Variants in HES3 observed in about 807,000 individuals in gnomAD.
HES3 encodes the protein hes family bHLH transcription factor 3.
In HES3, 6 loss-of-function variants were observed where a neutral mutation model predicts 8.0. The observed-to-expected ratio is 0.75, with a 90% confidence interval of 0.41 to 1.49. HES3 has a LOEUF of 1.49. HES3 is among the 40% of genes most tolerant of loss of function. HES3 has a pLI of 0.01. For synonymous variants in HES3, 121 were observed against 119.4 expected (o/e 1.01, Z -0.09); for missense variants, 266 against 260.9 (o/e 1.02, Z -0.13).
chr1:6,244,282 G>C, intron 1 of HES3, 41 bp downstream of exon 1: 2 of 1,289,146 alleles, frequency 1.6e-6, no homozygotes, highest in Admixed American at 3.4e-5. Flanking sequence ...ACCCTTCCCC[G>C]GGAGGTGTGG....
In HES3 at chr1:6,245,114, C is replaced by T. The variant is rs1418906700; in HGVS notation, c.168C>T (p.Leu56=). 2 of 1,521,072 alleles carry T rather than the reference C, an allele frequency of 1.3e-6. No individual in the cohort carries two copies. Among genetic ancestry groups the T allele is most frequent in the Non-Finnish European group, 1.8e-6 (2 of 1,141,146 alleles). The allele number at this position is 1,521,072 out of a possible 1,614,324, so 94.2% of individuals were successfully genotyped here. A position where few individuals can be genotyped will look rare whatever the true frequency, so the allele number is the denominator to read the frequency against. Reference sequence around the variant, plus strand: ...CGCGTCCGCTCTTCCCCACAGGGCTCTGGCCTGTGCCCAGGGGAGCCGAGC... The same window carrying T: ...CGCGTCCGCTCTTCCCCACAGGGCTTTGGCCTGTGCCCAGGGGAGCCGAGC... ...MRSLQNSLQG[L]WPVPRGAEQP... The change falls in exon 4 of 4, where the codon CTC becomes CTT. Residue 56 remains leucine, a synonymous_variant. Transcript: ENST00000377898.
chr1:6,244,330 C>G (rs1327484429), intron 1 of HES3, 21 bp from the exon 2 acceptor site: 2 of 1,606,498 alleles, frequency 1.2e-6, no homozygotes, highest in African/African-American at 1.3e-5. Context: ...GTCCTGCACT[C>G]TAAAGGCTGT....
At position 6,245,159 on chromosome 1, in the gene HES3, C is replaced by T. The variant is rs750211535; in HGVS notation, c.213C>T (p.Ser71=). ...RGAEQPSGFR[S]CLPGVSQLLR... ...CCGAGCAACCGTCGGGCTTCCGCAG[C>T]TGCCTGCCCGGCGTGAGCCAGCTCC... Residue 71 remains serine, a synonymous_variant, in exon 4 of 4, where the codon AGC becomes AGT. Transcript: ENST00000377898. 1.3e-5 allele frequency: 20 copies of T among 1,529,214 alleles called. 1 individual carries two copies. The allele number at this position is 1,529,214 out of a possible 1,614,324, so 94.7% of individuals were successfully genotyped here.
chr1:6,245,299 G>A lies in HES3; in HGVS notation c.353G>A (p.Arg118His), dbSNP rs1364181112. 20 of 1,501,492 alleles carry A rather than the reference G, an allele frequency of 1.3e-5. No homozygotes were observed. Among genetic ancestry groups the A allele is most frequent in the Non-Finnish European group, 1.7e-5 (19 of 1,134,026 alleles). The allele number at this position is 1,501,492 out of a possible 1,614,324, so 93.0% of individuals were successfully genotyped here. A position where few individuals can be genotyped will look rare whatever the true frequency, so the allele number is the denominator to read the frequency against. Residue 118 changes from arginine to histidine, a missense_variant, in exon 4 of 4, where the codon CGC (arginine) becomes CAC (histidine). Coordinates refer to ENST00000377898, the MANE Select transcript of HES3 (RefSeq NM_001024598.4). ...GGCCAGGAGGCGCCCGCGCTGTTCC[G>A]CCCTTGCACCCCTGCCGTCTGGGCT... The part of the protein sequence containing the change: ...GLGQEAPALF[R>H]PCTPAVWAPA...
chr1:6,244,622 C>A lies in HES3; in HGVS notation c.156C>A (p.Ser52=), dbSNP rs745823877. ...AGTACATGAGAAGCCTTCAGAACTCCTTGCAAGGTATAGGGGAGGGCTGGA... is the reference window on the plus strand; with the variant it reads ...AGTACATGAGAAGCCTTCAGAACTCATTGCAAGGTATAGGGGAGGGCTGGA... ...SVKYMRSLQN[S]LQGLWPVPRG... Residue 52 remains serine (S), a synonymous_variant, in exon 3 of 4, where the codon TCC becomes TCA. Coordinates refer to ENST00000377898, the MANE Select transcript of HES3 (RefSeq NM_001024598.4). 2 of 1,613,184 alleles carry A rather than the reference C, an allele frequency of 1.2e-6. No individual in the cohort carries two copies. Among genetic ancestry groups the A allele is most frequent in the African/African-American group, 2.7e-5 (2 of 74,850 alleles).
At position 6,245,234 on chromosome 1, in the gene HES3, C is replaced by T. The variant is rs761597508; in HGVS notation, c.288C>T (p.Pro96=). 2 of 1,518,444 alleles carry T rather than the reference C, an allele frequency of 1.3e-6. No homozygotes were observed. Among genetic ancestry groups the T allele is most frequent in the East Asian group, 2.5e-5 (1 of 39,216 alleles). The allele number at this position is 1,518,444 out of a possible 1,614,324, so 94.1% of individuals were successfully genotyped here. ...VGSGLRCPLV[P]ESAAGSTMDS... ...GCGGCCTGCGCTGCCCCCTGGTGCC[C>T]GAGAGCGCCGCCGGCAGCACCATGG... Residue 96 remains proline, a synonymous_variant, in exon 4 of 4, where the codon CCC becomes CCT. Transcript: ENST00000377898.
intron 1 of HES3, 33 bp downstream of exon 1, chr1:6,244,274 C>T (rs1638254352): frequency 1.6e-6 from 2 of 1,226,882 alleles, no homozygotes; most frequent in African/African-American, 3.0e-5. Flanking sequence ...GGGCAGGCAC[C>T]CTTCCCCGGG....
Position 6,244,199 on chromosome 1 carries a change from G to T in HES3, c.-58G>T, listed in dbSNP as rs557635916. 2 of 639,832 alleles carry T rather than the reference G, an allele frequency of 3.1e-6. No individual in the cohort carries two copies. Among genetic ancestry groups the T allele is most frequent in the Admixed American group, 2.7e-5 (1 of 37,048 alleles). The allele number at this position is 639,832 out of a possible 1,614,324, so 39.6% of individuals were successfully genotyped here. On this transcript the variant is annotated 5_prime_UTR_variant, in exon 1 of 4. Transcript: ENST00000377898. ...GGTGCATGGACTGCAACATGGGCAC[G>T]GAGCCTGCTGCCCGGGGCAGCCTCC...
intron 3 of HES3, 41 bp downstream of exon 3, chr1:6,244,670 G>A (rs1223337165): frequency 6.4e-7 from 1 of 1,561,780 alleles, no homozygotes; most frequent in Non-Finnish European, 8.8e-7. Flanking sequence ...AGGCTTGTGG[G>A]ATCAGAGCCA....
At chr1:6,244,750 T>G in intron 3 of HES3, 121 bp downstream of exon 3, 2 of 852,436 alleles carry the variant, frequency 2.3e-6, no homozygotes, top group Non-Finnish European at 3.8e-6. Flanking sequence ...GAGACCAGCC[T>G]GGGCAACATG....
Position 6,245,284 on chromosome 1 carries a change from C to A in HES3, c.338C>A (p.Ala113Glu), listed in dbSNP as rs1208301128. Residue 113 changes from alanine to glutamate, a missense_variant, in exon 4 of 4, where the codon GCG becomes GAG. Coordinates refer to ENST00000377898, the MANE Select transcript of HES3 (RefSeq NM_001024598.4). ...GACAGCGCCGGGTTGGGCCAGGAGG[C>A]GCCCGCGCTGTTCCGCCCTTGCACC... The part of the protein sequence containing the change: ...TMDSAGLGQE[A>E]PALFRPCTPA... The A allele has an allele frequency of 2.7e-6, 4 of 1,494,426 alleles. No homozygotes were observed. Among genetic ancestry groups the A allele is most frequent in the African/African-American group, 2.9e-5 (2 of 68,384 alleles). The allele number at this position is 1,494,426 out of a possible 1,614,324, so 92.6% of individuals were successfully genotyped here.
Position 6,244,529 on chromosome 1 carries a change from C to A in HES3, c.82-19C>A, listed in dbSNP as rs1638261500. On this transcript the variant is annotated intron_variant, in intron 2 of 3. Coordinates refer to ENST00000377898, the MANE Select transcript of HES3 (RefSeq NM_001024598.4). ...CACCTCGGGAGGCCGGTCTAATAGACCTTTCCATGGTCGGGTAGATCCGGA... is the reference window on the plus strand; with the variant it reads ...CACCTCGGGAGGCCGGTCTAATAGAACTTTCCATGGTCGGGTAGATCCGGA... 1.2e-6 allele frequency: 2 copies of A among 1,613,954 alleles called. No homozygotes were observed. The highest frequency in any genetic ancestry group is 1.7e-4 in the Middle Eastern group (1 of 6,058).
At position 6,244,275 on chromosome 1, in the gene HES3, C is replaced by A. The variant is rs1340407691; in HGVS notation, c.-16+34C>A. The A allele has an allele frequency of 2.4e-6, 3 of 1,241,746 alleles. No homozygotes were observed. In the African/African-American group the frequency reaches 4.4e-5, roughly 18 times the overall value. The allele number at this position is 1,241,746 out of a possible 1,614,324, so 76.9% of individuals were successfully genotyped here. ...TCTTGAGGGACTAGGGGCAGGCACC[C>A]TTCCCCGGGAGGTGTGGGGGGGTGC... On this transcript the variant is annotated intron_variant, in intron 1 of 3. Transcript: ENST00000377898.
intron 3 of HES3, 58 bp downstream of exon 3, chr1:6,244,687 C>A (rs927903086): frequency 6.1e-6 from 9 of 1,467,960 alleles, no homozygotes; most frequent in Non-Finnish European, 8.5e-6. Flanking sequence ...GCCAGGGATG[C>A]ACAAGGCCAA....
In HES3 at chr1:6,245,210, C is replaced by T. The variant is rs1196151286; in HGVS notation, c.264C>T (p.Ser88=). The part of the protein sequence containing the change: ...QLLRRGDEVG[S]GLRCPLVPES... ...TTCGGCGCGGAGATGAGGTCGGCAG[C>T]GGCCTGCGCTGCCCCCTGGTGCCCG... The change falls in exon 4 of 4, where the codon AGC becomes AGT. Residue 88 remains serine, a synonymous_variant. Coordinates refer to ENST00000377898, the MANE Select transcript of HES3 (RefSeq NM_001024598.4). The T allele has an allele frequency of 6.6e-7, 1 of 1,526,550 alleles. No homozygotes were observed. 94.6% of individuals were successfully genotyped at this position (1,526,550 alleles called of 1,614,324 possible). A position where few individuals can be genotyped will look rare whatever the true frequency, so the allele number is the denominator to read the frequency against.
Position 6,244,370 on chromosome 1 carries a change from A to G in HES3, c.5A>G (p.Glu2Gly). The change falls in exon 2 of 4, where the codon GAG (glutamate) becomes GGG (glycine). Residue 2 changes from glutamate (E) to glycine (G), a missense_variant. By Grantham distance (98) the Glu-to-Gly change is moderately conservative (BLOSUM62 -2). Coordinates refer to ENST00000377898, the MANE Select transcript of HES3 (RefSeq NM_001024598.4). Reference sequence around the variant, plus strand: ...CTGCAGATTTCCAAGCCGCTGATGGAGAAAAAGCGCCGGGCACGCATCAAT... The same window carrying G: ...CTGCAGATTTCCAAGCCGCTGATGGGGAAAAAGCGCCGGGCACGCATCAAT... The part of the protein sequence containing the change: M[E>G]KKRRARINVS... The G allele has an allele frequency of 2.5e-6, 4 of 1,612,962 alleles. No homozygotes were observed. The highest frequency in any genetic ancestry group is 2.5e-6 in the Non-Finnish European group (3 of 1,179,792).
intron 2 of HES3, 28 bp downstream of exon 2, chr1:6,244,474 TG>T: frequency 3.6e-6 from 2 of 561,678 alleles, no homozygotes; most frequent in Non-Finnish European, 6.6e-6. Context: ...TGGGGGTGGG[TG>T]GGTGATACGA....
chr1:6,244,268 A>G, intron 1 of HES3, 27 bp downstream of exon 1: 1 of 1,129,132 alleles, frequency 8.9e-7, no homozygotes, highest in Non-Finnish European at 1.3e-6. Flanking sequence ...GACTAGGGGC[A>G]GGCACCCTTC....
In HES3 at chr1:6,245,399, C is replaced by T. The variant is rs913277335; in HGVS notation, c.453C>T (p.Ser151=). The T allele has an allele frequency of 2.6e-6, 4 of 1,533,006 alleles. No homozygotes were observed. The highest frequency in any genetic ancestry group is 2.0e-5 in the Admixed American group (1 of 50,474). The allele number at this position is 1,533,006 out of a possible 1,614,324, so 95.0% of individuals were successfully genotyped here. A position where few individuals can be genotyped will look rare whatever the true frequency, so the allele number is the denominator to read the frequency against. The change falls in exon 4 of 4, where the codon TCC becomes TCT. Residue 151 remains serine, a synonymous_variant. Coordinates refer to ENST00000377898, the MANE Select transcript of HES3 (RefSeq NM_001024598.4). Reference sequence around the variant, plus strand: ...TCCCCGAAAGTCTCCCTGGCTCGTCCGCCAGCGTCCCCCCGCCGCAGCCAG... The same window carrying T: ...TCCCCGAAAGTCTCCCTGGCTCGTCTGCCAGCGTCCCCCCGCCGCAGCCAG... The part of the protein sequence containing the change: ...LLLPESLPGS[S]ASVPPPQPAS...
Sources: gnomAD v4.1 joint callset for allele counts on GRCh38, gnomAD v4.1.1 for gene constraint, MANE v1.5 for transcripts, NCBI Gene and HGNC (gene_info 2026-07-23, HGNC 2026-07-21) for gene names.